The following CENPN variants were observed in gnomAD, a reference collection of about 807,000 sequenced individuals.
CENPN encodes the protein centromere protein N, also known as interphase centromere complex protein 32.
A neutral mutation model predicts 48.6 loss-of-function variants in CENPN; 36 were observed. The ratio of observed to expected loss-of-function variants is 0.74; its 90% CI spans 0.57 to 0.98. The LOEUF (loss-of-function observed/expected upper bound fraction) is 0.98, where lower values mean the gene tolerates loss of function less well. CENPN is among the 50% of genes least tolerant of loss of function. The pLI, the probability that CENPN is intolerant of heterozygous loss-of-function variation, is 0.00. For missense variants in CENPN, 439 were observed against 399.2 expected (o/e 1.10, Z -0.85); for synonymous variants, 166 against 135.2 (o/e 1.23, Z -1.58).
intron 5 of CENPN, among the ~76,000 whole-genome samples, chr16:81,018,976 A>G (rs1303061521): frequency 1.3e-5 from 2 of 152,190 alleles, no homozygotes; most frequent in African/African-American, 4.8e-5. Context: ...AGCCTATTAA[A>G]TTCCAGACCA....
At chr16:81,017,197 A>C in intron 3 of CENPN, 129 bp from the exon 4 acceptor site, 1 of 646,290 alleles carries the variant, frequency 1.5e-6, no homozygotes, top group East Asian at 2.8e-5. Flanking sequence ...TATTTTGAAT[A>C]CAAATCTGTA....
chr16:81,020,430 G>A, intron 6 of CENPN, 154 bp downstream of exon 6: 5 of 686,772 alleles, frequency 7.3e-6, no homozygotes, highest in Non-Finnish European at 1.1e-5. Context: ...GGCTGAAGTG[G>A]GAGGATTGCT....
chr16:81,020,819 G>A (rs1195971556), intron 6 of CENPN, among the ~76,000 whole-genome samples: 2 of 152,248 alleles, frequency 1.3e-5, no homozygotes, highest in Middle Eastern at 3.4e-3. Flanking sequence ...GGCCAGGCGC[G>A]GTGCTCATGT....
chr16:81,026,385 A>G, intron 8 of CENPN, 141 bp from the exon 9 acceptor site: 6 of 406,768 alleles, frequency 1.5e-5, no homozygotes, highest in Non-Finnish European at 2.7e-5. Context: ...ACACTAAGAA[A>G]TTATTACAGC....
intron 6 of CENPN, 59 bp from the exon 7 acceptor site, chr16:81,022,538 A>C: frequency 7.2e-7 from 1 of 1,388,296 alleles, no homozygotes. Context: ...TACTTTGACA[A>C]GTATTATAAA....
intron 7 of CENPN, chr16:81,023,179 A>G (rs1970295284): frequency 6.2e-6 from 2 of 321,100 alleles, no homozygotes. Context: ...AATGACAAAT[A>G]CAGATCTGTC....
At chr16:81,008,623 C>T (rs1051310585) in intron 1 of CENPN, among the ~76,000 whole-genome samples, 2 of 152,088 alleles carry the variant, frequency 1.3e-5, no homozygotes, top group Admixed American at 6.6e-5. Flanking sequence ...ACACCACGCC[C>T]GGCGCGCTCC....
In CENPN at chr16:81,028,837, T is replaced by C; in HGVS notation, c.*186T>C. On this transcript the variant is annotated 3_prime_UTR_variant, in exon 11 of 11. Coordinates refer to ENST00000305850, the MANE Select transcript of CENPN (RefSeq NM_001100624.3). ...TCCTCCACGATATGCCTCCTCTCTC[T>C]GATATCCTGCTAACTGTAGCCGTTG... is the stretch of plus-strand genomic sequence containing the variant. 1 of 1,370,986 alleles carries C rather than the reference T, an allele frequency of 7.3e-7. No individual in the cohort carries two copies. Among genetic ancestry groups the C allele is most frequent in the Non-Finnish European group, 9.4e-7 (1 of 1,067,578 alleles). The allele number at this position is 1,370,986 out of a possible 1,614,324, so 84.9% of individuals were successfully genotyped here.
chr16:81,022,392 A>G (rs1270057155), intron 6 of CENPN: 1 of 517,474 alleles, frequency 1.9e-6, no homozygotes. Flanking sequence ...AAATGATACA[A>G]AAGACTGCAT....
chr16:81,009,777 T>A (rs1969666987), intron 1 of CENPN, among the ~76,000 whole-genome samples: 1 of 152,156 alleles, frequency 6.6e-6, no homozygotes, highest in Non-Finnish European at 1.5e-5. Context: ...ATTCCCACAG[T>A]TGTGAAGGAA....
In CENPN at chr16:81,020,146, G is replaced by A. The variant is rs1019380628; in HGVS notation, c.401G>A (p.Arg134Gln). ...ACTGAGGAGAATGCAGTCTGGATTC[G>A]AATTGCCTGGGGAACACAGTACACA... ...RETEENAVWIRIAWGTQYTKP... is the reference protein window; with the variant it reads ...RETEENAVWIQIAWGTQYTKP... The change falls in exon 6 of 11, where the codon CGA (arginine) becomes CAA (glutamine). Residue 134 changes from arginine (R) to glutamine (Q), a missense_variant. By Grantham distance (43) the Arg-to-Gln change is conservative. Coordinates refer to ENST00000305850, the MANE Select transcript of CENPN (RefSeq NM_001100624.3). 1.9e-6 allele frequency: 3 copies of A among 1,612,918 alleles called. No individual in the cohort carries two copies. The highest frequency in any genetic ancestry group is 2.5e-6 in the Non-Finnish European group (3 of 1,179,714).
In CENPN at chr16:81,022,664, C is replaced by G. The variant is rs761491820; in HGVS notation, c.599C>G (p.Ser200Cys). The change falls in exon 7 of 11, where the codon TCT becomes TGT. Residue 200 changes from serine (S) to cysteine (C), a missense_variant. Transcript: ENST00000305850. ...KMDLRSRYLD[S>C]LKAIVFKQYN... ...GACCTGAGAAGTCGGTATCTGGACTCTCTTAAGGCTATTGTTTTTAAACAG... is the reference window on the plus strand; with the variant it reads ...GACCTGAGAAGTCGGTATCTGGACTGTCTTAAGGCTATTGTTTTTAAACAG... The G allele has an allele frequency of 9.3e-6, 15 of 1,613,934 alleles. No individual in the cohort carries two copies. The highest frequency in any genetic ancestry group is 8.9e-5 in the East Asian group (4 of 44,864).
chr16:81,012,003 A>T lies in CENPN; in HGVS notation c.64A>T (p.Thr22Ser). 1 of 1,614,158 alleles carries T rather than the reference A, an allele frequency of 6.2e-7. No individual in the cohort carries two copies. The highest frequency in any genetic ancestry group is 8.5e-7 in the Non-Finnish European group (1 of 1,179,972). The change falls in exon 2 of 11, where the codon ACA becomes TCA. Residue 22 changes from threonine to serine, a missense_variant. Physicochemically the swap from Thr to Ser is moderately conservative, Grantham distance 58. Transcript: ENST00000305850. ...TILKIPMNEL[T>S]TILKAWDFLS... ...CTTGAAAATCCCCATGAATGAACTG[A>T]CAACAATCCTGAAGGCCTGGGATTT...
At position 81,028,757 on chromosome 16, in the gene CENPN, A is replaced by T. The variant is rs35552248; in HGVS notation, c.*106A>T. 8.3e-3 allele frequency: 12,258 copies of T among 1,478,362 alleles called. 193 individuals are homozygous for T. The highest frequency in any genetic ancestry group is 0.06 in the East Asian group (2,437 of 40,690). The allele number at this position is 1,478,362 out of a possible 1,614,324, so 91.6% of individuals were successfully genotyped here. A position where few individuals can be genotyped will look rare whatever the true frequency, so the allele number is the denominator to read the frequency against. On this transcript the variant is annotated 3_prime_UTR_variant, in exon 11 of 11. Coordinates refer to ENST00000305850, the MANE Select transcript of CENPN (RefSeq NM_001100624.3). ...CCGTCTGTAAACTTGTATTTTCAAGAATCCTTGGTATTGAATTTTTAGAAA... is the reference window on the plus strand; with the variant it reads ...CCGTCTGTAAACTTGTATTTTCAAGTATCCTTGGTATTGAATTTTTAGAAA...
rs1223054795 is a variant in CENPN, at chr16:81,020,204, G to T, written c.459G>T (p.Val153=). Residue 153 remains valine (V), a synonymous_variant, in exon 6 of 11, where the codon GTG becomes GTT. Transcript: ENST00000305850. ...KPNQYKPTYV[V]YYSQTPYAFT... ...ACCAGTACAAACCTACCTACGTGGT[G>T]TACTACTCCCAGACTCCGTACGCCT... is the stretch of plus-strand genomic sequence containing the variant. 2 of 1,613,974 alleles carry T rather than the reference G, an allele frequency of 1.2e-6. No homozygotes were observed. The highest frequency in any genetic ancestry group is 8.5e-7 in the Non-Finnish European group (1 of 1,179,996).
Position 81,030,410 on chromosome 16 carries a change from T to C in CENPN, c.*1759T>C, listed in dbSNP as rs1297877443. 3.1e-6 allele frequency: 3 copies of C among 982,674 alleles called. No individual in the cohort carries two copies. In the South Asian group the frequency reaches 1.4e-4, roughly 46 times the overall value. The allele number at this position is 982,674 out of a possible 1,614,324, so 60.9% of individuals were successfully genotyped here. A position where few individuals can be genotyped will look rare whatever the true frequency, so the allele number is the denominator to read the frequency against. On this transcript the variant is annotated 3_prime_UTR_variant, in exon 11 of 11. Coordinates refer to ENST00000305850, the MANE Select transcript of CENPN (RefSeq NM_001100624.3). ...GATACCAGATATGTGGGGGAGGGGG[T>C]TTCCCCCACACATTAAGCAAGTGTG...
intron 2 of CENPN, among the ~76,000 whole-genome samples, chr16:81,013,229 A>G (rs1215149690): frequency 6.6e-6 from 1 of 152,260 alleles, no homozygotes; most frequent in Non-Finnish European, 1.5e-5. Context: ...ATGCTAACAT[A>G]TGGATGGATA....
At chr16:81,008,192 G>C (rs916480429) in intron 1 of CENPN, among the ~76,000 whole-genome samples, 1 of 151,882 alleles carries the variant, frequency 6.6e-6, no homozygotes, top group African/African-American at 2.4e-5. Flanking sequence ...GTGAGACTGA[G>C]GGCGCTCTAC....
intron 1 of CENPN, among the ~76,000 whole-genome samples, chr16:81,011,437 C>T (rs746338075): frequency 1.3e-5 from 2 of 152,174 alleles, no homozygotes; most frequent in Admixed American, 6.6e-5. Context: ...ACATATGTAT[C>T]CCCAGTGCCT....
Sources: allele counts gnomAD v4.1 joint callset (sites outside exome capture counted in the v4.1 genomes callset), GRCh38; gene constraint gnomAD v4.1.1; transcripts MANE v1.5; gene names NCBI Gene and HGNC (gene_info 2026-07-23, HGNC 2026-07-21).